Variants in CPED1 observed in about 807,000 individuals in gnomAD.
CPED1 encodes the protein cadherin-like and PC-esterase domain-containing protein 1.
Under a neutral mutation model 128.2 loss-of-function variants are expected in CPED1, and 114 were observed. That is an observed-to-expected ratio of 0.89 (90% CI 0.76 to 1.04). The LOEUF (loss-of-function observed/expected upper bound fraction) is 1.04, where lower values mean the gene tolerates loss of function less well. CPED1 is among the 50% of genes least tolerant of loss of function. The pLI, the probability that CPED1 is intolerant of heterozygous loss-of-function variation, is 0.00. For synonymous variants in CPED1, 462 were observed against 426.7 expected, an observed-to-expected ratio of 1.08 and a Z score of -1.02; for missense variants, 1,211 against 1,207.1, an observed-to-expected ratio of 1.00 and a Z score of -0.05.
At chr7:121,281,719 T>C (rs904620890) in intron 22 of CPED1, among the ~76,000 whole-genome samples, 4 of 152,182 alleles carry the variant, frequency 2.6e-5, no homozygotes, top group Admixed American at 1.3e-4. Flanking sequence ...ATTTCTATAG[T>C]CAGTATATTT....
In CPED1 at chr7:121,271,339, A is replaced by C; in HGVS notation, c.2777A>C (p.Lys926Thr). ...ENLIILDTAK[K>T]HGYEVVDTFT... is the part of the protein sequence containing the mutation. Reference sequence around the variant, plus strand: ...TTGATTATTCTGGATACTGCAAAAAAACATGGCTATGAAGTAGTTGACACA... The same window carrying C: ...TTGATTATTCTGGATACTGCAAAAACACATGGCTATGAAGTAGTTGACACA... The change falls in exon 22 of 23, where the codon AAA (lysine) becomes ACA (threonine). Residue 926 changes from lysine (K) to threonine (T), a missense_variant. Coordinates refer to ENST00000310396, the MANE Select transcript of CPED1 (RefSeq NM_024913.5). The C allele has an allele frequency of 6.2e-7, 1 of 1,612,678 alleles. No individual in the cohort carries two copies. The highest frequency in any genetic ancestry group is 1.7e-5 in the Admixed American group (1 of 59,924).
chr7:121,046,390 G>A (rs1011050916), intron 3 of CPED1, among the ~76,000 whole-genome samples: 12 of 151,532 alleles, frequency 7.9e-5, no homozygotes, highest in Non-Finnish European at 1.3e-4. Flanking sequence ...CATCACAAAA[G>A]TAAATTTGAT....
chr7:121,293,762 A>C (rs962030982), intron 22 of CPED1, among the ~76,000 whole-genome samples: 1 of 151,836 alleles, frequency 6.6e-6, no homozygotes, highest in Non-Finnish European at 1.5e-5. Context: ...TAGGGGAGGG[A>C]GTTCCCTAAC....
chr7:121,157,040 A>T (rs1796300831), intron 16 of CPED1, among the ~76,000 whole-genome samples: 1 of 152,198 alleles, frequency 6.6e-6, no homozygotes, highest in East Asian at 1.9e-4. Flanking sequence ...GATTCAACTC[A>T]ATAGTAGGTT....
At chr7:121,106,313 A>G in intron 7 of CPED1, among the ~76,000 whole-genome samples, 1 of 152,056 alleles carries the variant, frequency 6.6e-6, no homozygotes, top group East Asian at 1.9e-4. Flanking sequence ...ATATAGGTAG[A>G]TGCTATATAA....
At chr7:121,248,137 A>C (rs1254012875) in intron 18 of CPED1, among the ~76,000 whole-genome samples, 1 of 152,220 alleles carries the variant, frequency 6.6e-6, no homozygotes, top group East Asian at 1.9e-4. Flanking sequence ...TGTGCAGCTC[A>C]AGAGTGCTGA....
In CPED1 at chr7:121,192,874, T is replaced by C. The variant is rs149452676; in HGVS notation, c.2056-43840T>C. Reference sequence around the variant, plus strand: ...TAGATATGATTTTTATGTTTTCTGTTGAGGAGAAGCAGAGCACTTCCCCAC... The same window carrying C: ...TAGATATGATTTTTATGTTTTCTGTCGAGGAGAAGCAGAGCACTTCCCCAC... On this transcript the variant is annotated intron_variant, in intron 16 of 22. Coordinates refer to ENST00000310396, the MANE Select transcript of CPED1 (RefSeq NM_024913.5). Among the ~76,000 whole-genome samples, 5 of 152,296 alleles carry C rather than the reference T, an allele frequency of 3.3e-5. 1 individual carries two copies. Among genetic ancestry groups the C allele is most frequent in the African/African-American group, 1.2e-4 (5 of 41,578 alleles).
At chr7:121,028,703 G>A (rs1256524260) in intron 3 of CPED1, among the ~76,000 whole-genome samples, 1 of 152,164 alleles carries the variant, frequency 6.6e-6, no homozygotes, top group African/African-American at 2.4e-5. Flanking sequence ...GGCCTAGGTT[G>A]CATTGTCTAT....
At chr7:121,176,274 T>G (rs1796777705) in intron 16 of CPED1, among the ~76,000 whole-genome samples, 1 of 148,992 alleles carries the variant, frequency 6.7e-6, no homozygotes, top group East Asian at 2.0e-4. Context: ...GTAATAAGCC[T>G]CCTATAATTG....
chr7:121,063,556 A>G (rs563509517), intron 4 of CPED1, among the ~76,000 whole-genome samples: 2 of 152,078 alleles, frequency 1.3e-5, no homozygotes, highest in South Asian at 4.1e-4. Flanking sequence ...GTTAATTTGA[A>G]AGTAATCAAT....
chr7:121,172,675 T>C (rs1211994547), intron 16 of CPED1, among the ~76,000 whole-genome samples: 2 of 151,564 alleles, frequency 1.3e-5, no homozygotes, highest in Non-Finnish European at 2.9e-5. Flanking sequence ...GATAGATAGA[T>C]AGATAGATAG....
chr7:121,019,134 C>G (rs889465102), intron 3 of CPED1, among the ~76,000 whole-genome samples: 7 of 151,922 alleles, frequency 4.6e-5, no homozygotes, highest in Non-Finnish European at 1.0e-4. Flanking sequence ...AAGAAGTAGG[C>G]AGTTTCGAGT....
intron 16 of CPED1, among the ~76,000 whole-genome samples, chr7:121,205,507 G>A (rs185524016): frequency 6.6e-6 from 1 of 152,042 alleles, no homozygotes; most frequent in African/African-American, 2.4e-5. Context: ...GAGGTTTCTA[G>A]TGTTGTTTTT....
chr7:121,019,804 A>T (rs1378248721), intron 3 of CPED1, among the ~76,000 whole-genome samples: 1 of 151,958 alleles, frequency 6.6e-6, no homozygotes, highest in Non-Finnish European at 1.5e-5. Flanking sequence ...GTGAGAACAT[A>T]TAATTCTCTA....
chr7:121,144,999 C>A (rs28706235), intron 16 of CPED1, among the ~76,000 whole-genome samples: 3,224 of 151,880 alleles, frequency 0.021, 117 homozygotes, highest in African/African-American at 0.073. Flanking sequence ...GGGCAAATGT[C>A]CTATATCTTA....
At chr7:121,206,996 A>G (rs1205804211) in intron 16 of CPED1, among the ~76,000 whole-genome samples, 5 of 152,040 alleles carry the variant, frequency 3.3e-5, no homozygotes. Context: ...AAATGAAACA[A>G]TGCTGTAATA....
At chr7:121,091,484 G>C (rs798932) in intron 5 of CPED1, among the ~76,000 whole-genome samples, 136,139 of 152,186 alleles carry the variant, frequency 0.89, 60,931 homozygotes, top group Middle Eastern at 0.99. Context: ...GTGGGAACCT[G>C]TTAGTGTTAA....
At chr7:121,072,927 A>G (rs770895879) in intron 5 of CPED1, among the ~76,000 whole-genome samples, 1 of 152,100 alleles carries the variant, frequency 6.6e-6, no homozygotes, top group Non-Finnish European at 1.5e-5. Context: ...GATTTACACT[A>G]TGTTTCCTCT....
At chr7:121,246,878 G>GCTTA in intron 18 of CPED1, among the ~76,000 whole-genome samples, 1 of 152,294 alleles carries the variant, frequency 6.6e-6, no homozygotes, top group East Asian at 1.9e-4. Context: ...CAGCAAAAGG[G>GCTTA]CTTATCTTTG....
Sources: allele counts gnomAD v4.1 joint callset (sites outside exome capture counted in the v4.1 genomes callset), GRCh38; gene constraint gnomAD v4.1.1; transcripts MANE v1.5; gene names NCBI Gene and HGNC (gene_info 2026-07-23, HGNC 2026-07-21).